Variants in KIAA1328 observed in about 807,000 individuals in gnomAD.
KIAA1328 encodes KIAA1328.
KIAA1328 carries 52 observed loss-of-function variants against 68.1 expected under a neutral mutation model. The ratio of observed to expected loss-of-function variants is 0.76; its 90% CI spans 0.61 to 0.96. KIAA1328 has a LOEUF of 0.96. KIAA1328 is among the 40% of genes least tolerant of loss of function. The probability of loss-of-function intolerance (pLI) is 0.00; values close to 1 mark genes in which losing one functional copy is unlikely to be tolerated. For synonymous variants in KIAA1328, 232 were observed against 239.4 expected, an observed-to-expected ratio of 0.97 and a Z score of 0.28; for missense variants, 641 against 677.6, an observed-to-expected ratio of 0.95 and a Z score of 0.60.
At chr18:37,070,649 C>A (rs989226912) in intron 7 of KIAA1328, among the ~76,000 whole-genome samples, 8 of 151,396 alleles carry the variant, frequency 5.3e-5, no homozygotes, top group Non-Finnish European at 1.0e-4. Context: ...TGGCTCACTG[C>A]AACCTCCGTC....
intron 6 of KIAA1328, among the ~76,000 whole-genome samples, chr18:37,057,589 G>C (rs1264782888): frequency 6.6e-6 from 1 of 151,460 alleles, no homozygotes; most frequent in Non-Finnish European, 1.5e-5. Context: ...CACCACATCT[G>C]GCTAATTTTT....
chr18:37,201,368 A>C (rs2060111186), intron 9 of KIAA1328, among the ~76,000 whole-genome samples: 1 of 152,114 alleles, frequency 6.6e-6, no homozygotes, highest in Non-Finnish European at 1.5e-5. Flanking sequence ...TTTTCTAGAG[A>C]CTTGTAGCCA....
intron 6 of KIAA1328, among the ~76,000 whole-genome samples, chr18:37,022,636 T>A: frequency 6.6e-6 from 1 of 152,166 alleles, no homozygotes; most frequent in East Asian, 1.9e-4. Flanking sequence ...AATTTATAAT[T>A]CCTTTTGCTT....
At chr18:36,960,723 C>G (rs1031890360) in intron 6 of KIAA1328, among the ~76,000 whole-genome samples, 1 of 152,192 alleles carries the variant, frequency 6.6e-6, no homozygotes, top group Non-Finnish European at 1.5e-5. Flanking sequence ...GCTGAGAGAC[C>G]TGACTGTTAG....
chr18:36,945,460 A>G (rs1211671604), intron 5 of KIAA1328, among the ~76,000 whole-genome samples: 1 of 152,178 alleles, frequency 6.6e-6, no homozygotes, highest in African/African-American at 2.4e-5. Context: ...AGCCTCAGTC[A>G]TTTTCAAAGA....
At chr18:36,992,373 C>T (rs1328241669) in intron 6 of KIAA1328, among the ~76,000 whole-genome samples, 1 of 151,188 alleles carries the variant, frequency 6.6e-6, no homozygotes, top group East Asian at 1.9e-4. Flanking sequence ...CTATCTTTTA[C>T]ATGTAGGTTT....
chr18:37,019,334 A>G (rs2054260245), intron 6 of KIAA1328, among the ~76,000 whole-genome samples: 1 of 152,146 alleles, frequency 6.6e-6, no homozygotes, highest in Admixed American at 6.5e-5. Context: ...TGCAGCCAAT[A>G]TGACTGGGTG....
chr18:36,913,507 CACACACACACACA>C (rs1349737673), intron 5 of KIAA1328, among the ~76,000 whole-genome samples: 1 of 119,138 alleles, frequency 8.4e-6, no homozygotes, highest in African/African-American at 2.8e-5. Context: ...CACACACACA[CACACACACACACA>C]CACTTAGAGG....
chr18:36,874,646 A>G (rs1489730077), intron 4 of KIAA1328, among the ~76,000 whole-genome samples: 1 of 152,120 alleles, frequency 6.6e-6, no homozygotes, highest in Non-Finnish European at 1.5e-5. Context: ...GTTCACTCTG[A>G]TGATAGTTTC....
chr18:37,036,681 C>G (rs538223912), intron 6 of KIAA1328, among the ~76,000 whole-genome samples: 1 of 152,234 alleles, frequency 6.6e-6, no homozygotes, highest in African/African-American at 2.4e-5. Context: ...AGTTTAAATG[C>G]CCAAAGGCCA....
At chr18:36,917,291 G>T (rs560336882) in intron 5 of KIAA1328, among the ~76,000 whole-genome samples, 1 of 152,174 alleles carries the variant, frequency 6.6e-6, no homozygotes. Flanking sequence ...AAGAGGCAGG[G>T]TCTTGCTATG....
In KIAA1328 at chr18:37,010,002, A is replaced by G. The variant is rs192976097; in HGVS notation, c.576+50567A>G. ...AAATTGTTATGAAAAGGCCTTAGGC[A>G]TTAGAAACACTAAGGAAAAGCTTAC... On this transcript the variant is annotated intron_variant, in intron 6 of 9. Coordinates refer to ENST00000280020, the MANE Select transcript of KIAA1328 (RefSeq NM_020776.3). Among the ~76,000 whole-genome samples the G allele has an allele frequency of 2.4e-3, 364 of 152,334 alleles. 2 individuals carry two copies. The highest frequency in any genetic ancestry group is 8.4e-3 in the African/African-American group (350 of 41,576).
intron 8 of KIAA1328, among the ~76,000 whole-genome samples, chr18:37,167,426 A>G (rs2059411918): frequency 7.9e-5 from 12 of 152,152 alleles, no homozygotes; most frequent in Admixed American, 7.9e-4. Flanking sequence ...TAATAGTGGC[A>G]GTAGCTCTCA....
intron 7 of KIAA1328, among the ~76,000 whole-genome samples, chr18:37,110,724 A>C (rs2057906993): frequency 6.6e-6 from 1 of 152,308 alleles, no homozygotes; most frequent in South Asian, 2.1e-4. Flanking sequence ...ATAGATGAAA[A>C]GAAATAATTA....
intron 7 of KIAA1328, among the ~76,000 whole-genome samples, chr18:37,114,737 A>G (rs549813942): frequency 6.6e-6 from 1 of 152,236 alleles, no homozygotes; most frequent in Admixed American, 6.5e-5. Flanking sequence ...TTTTTTGAAA[A>G]GATCAACAAA....
Position 37,076,242 on chromosome 18 carries a change from A to G in KIAA1328, c.1232+8697A>G, listed in dbSNP as rs564047818. ...CTGCTCCTGAATGACTACTGGGTAC[A>G]TAACGAAATGAAGGCAGAAATAAAG... On this transcript the variant is annotated intron_variant, in intron 7 of 9. Coordinates refer to ENST00000280020, the MANE Select transcript of KIAA1328 (RefSeq NM_020776.3). Among the ~76,000 whole-genome samples, 5 of 152,310 alleles carry G rather than the reference A, an allele frequency of 3.3e-5. No individual in the cohort carries two copies. The East Asian group carries it at 9.6e-4, about 29-fold the overall frequency.
At chr18:37,143,100 A>C (rs566738664) in intron 7 of KIAA1328, among the ~76,000 whole-genome samples, 4 of 152,172 alleles carry the variant, frequency 2.6e-5, no homozygotes, top group African/African-American at 9.6e-5. Context: ...GATTACAGGC[A>C]TGTGCCACCA....
intron 7 of KIAA1328, among the ~76,000 whole-genome samples, chr18:37,098,244 T>A (rs1414286599): frequency 6.6e-6 from 1 of 152,246 alleles, no homozygotes; most frequent in Non-Finnish European, 1.5e-5. Context: ...TTGAGATATG[T>A]CCCATCAATA....
intron 7 of KIAA1328, among the ~76,000 whole-genome samples, chr18:37,131,942 G>C (rs2058532505): frequency 1.3e-5 from 2 of 152,274 alleles, no homozygotes; most frequent in African/African-American, 4.8e-5. Context: ...GGATTTTACA[G>C]CTCAAAGCTG....
Sources: gnomAD v4.1 joint callset for allele counts (sites outside exome capture counted in the v4.1 genomes callset) on GRCh38, gnomAD v4.1.1 for gene constraint, MANE v1.5 for transcripts, NCBI Gene and HGNC (gene_info 2026-07-23, HGNC 2026-07-21) for gene names.